Variants in NXN observed in about 807,000 individuals in gnomAD.
NXN encodes nucleoredoxin.
Under a neutral mutation model 48.6 loss-of-function variants are expected in NXN, and 16 were observed. The observed-to-expected ratio is 0.33, with a 90% CI of 0.22 to 0.50. NXN has a LOEUF of 0.50. Among genes scored for constraint, NXN ranks in the 20% least tolerant of loss-of-function variants. The pLI is 0.98. For missense variants in NXN, 492 were observed against 605.5 expected (o/e 0.81, Z 1.97); for synonymous variants, 281 against 269.6 (o/e 1.04, Z -0.41).
Position 837,787 on chromosome 17 carries a change from C to T in NXN, c.361-11709G>A, listed in dbSNP as rs562278998. Among the ~76,000 whole-genome samples, 3 of 152,332 alleles carry T rather than the reference C, an allele frequency of 2.0e-5. No individual in the cohort carries two copies. The East Asian group carries it at 5.8e-4, about 29-fold the overall frequency. Reference sequence around the variant, plus strand: ...AGCCCGTGTGACCAAGGGAAAGGGGCCGGGGGTCCGGGCCAGGCTGATCCG... The same window carrying T: ...AGCCCGTGTGACCAAGGGAAAGGGGTCGGGGGTCCGGGCCAGGCTGATCCG... On this transcript the variant is annotated intron_variant, in intron 1 of 7. Coordinates refer to ENST00000336868, the MANE Select transcript of NXN (RefSeq NM_022463.5).
At chr17:823,489 AC>A in intron 3 of NXN, 142 bp downstream of exon 3, 2 of 810,058 alleles carry the variant, frequency 2.5e-6, no homozygotes. Flanking sequence ...GCACTATTCA[AC>A]CAGGCCTCGG....
chr17:907,293 C>T (rs1288668161), intron 1 of NXN, among the ~76,000 whole-genome samples: 3 of 151,864 alleles, frequency 2.0e-5, no homozygotes, highest in Non-Finnish European at 2.9e-5. Context: ...TAGGTGATTG[C>T]TTCTTGCAAT....
intron 1 of NXN, among the ~76,000 whole-genome samples, chr17:860,292 T>A (rs939083829): frequency 3.9e-4 from 56 of 144,414 alleles, no homozygotes; most frequent in African/African-American, 1.4e-3. Flanking sequence ...CCCGGCTAAT[T>A]TTTGTATTTT....
chr17:968,931 G>A (rs888254860), intron 1 of NXN, among the ~76,000 whole-genome samples: 14 of 150,660 alleles, frequency 9.3e-5, no homozygotes, highest in African/African-American at 3.4e-4. Context: ...AGAGAGACAC[G>A]GTCTCAAAAA....
intron 1 of NXN, among the ~76,000 whole-genome samples, chr17:946,239 G>C (rs1173039084): frequency 2.0e-5 from 3 of 147,282 alleles, no homozygotes; most frequent in Non-Finnish European, 4.6e-5. Flanking sequence ...GGGGATCCCT[G>C]CTCACTGCAA....
At chr17:937,525 C>T (rs924974407) in intron 1 of NXN, among the ~76,000 whole-genome samples, 5 of 152,280 alleles carry the variant, frequency 3.3e-5, no homozygotes, top group South Asian at 4.1e-4. Context: ...CAAAACTCTC[C>T]GTCATCGAGA....
At chr17:889,564 T>C (rs2068386607) in intron 1 of NXN, among the ~76,000 whole-genome samples, 1 of 151,964 alleles carries the variant, frequency 6.6e-6, no homozygotes, top group African/African-American at 2.4e-5. Flanking sequence ...GGTGGTGGCG[T>C]GTGCCTGTAA....
intron 5 of NXN, among the ~76,000 whole-genome samples, chr17:816,078 T>C (rs1912455639): frequency 6.6e-6 from 1 of 152,164 alleles, no homozygotes; most frequent in African/African-American, 2.4e-5. Flanking sequence ...CGGCGCTCGG[T>C]AACGCTTGGG....
In NXN at chr17:803,321, C is replaced by T. The variant is rs565658955; in HGVS notation, c.1125+361G>A. ...TGAGATCGGCCCACTGCAGCCAGCG[C>T]GGAGGCACGAACCCAGCATTTTGTA... On this transcript the variant is annotated intron_variant, in intron 7 of 7. Coordinates refer to ENST00000336868, the MANE Select transcript of NXN (RefSeq NM_022463.5). Among the ~76,000 whole-genome samples, 20 of 152,268 alleles carry T rather than the reference C, an allele frequency of 1.3e-4. No homozygotes were observed. The East Asian group carries it at 1.9e-3, about 15-fold the overall frequency.
intron 1 of NXN, among the ~76,000 whole-genome samples, chr17:923,994 T>C (rs2068772771): frequency 6.6e-6 from 1 of 152,210 alleles, no homozygotes; most frequent in South Asian, 2.1e-4. Flanking sequence ...ACAAATAAAG[T>C]GCAAAATGTT....
chr17:908,617 C>T (rs1337642695), intron 1 of NXN, among the ~76,000 whole-genome samples: 2 of 152,166 alleles, frequency 1.3e-5, no homozygotes, highest in Admixed American at 1.3e-4. Flanking sequence ...TAGTCCACGG[C>T]AGTGGATCCC....
chr17:838,366 A>AGGTG (rs769453915), intron 1 of NXN, among the ~76,000 whole-genome samples: 1 of 152,026 alleles, frequency 6.6e-6, no homozygotes, highest in Non-Finnish European at 1.5e-5. Context: ...TCCTGACCTC[A>AGGTG]GGTGATCCGC....
chr17:800,895 G>A lies in NXN; in HGVS notation c.*54C>T, dbSNP rs774144491. Reference sequence around the variant, plus strand: ...TAAGTCCAAGGGCGGAAGGAAGGAGGGGGAGGAGGAGAAGGCTGAGTTTTA... The same window carrying A: ...TAAGTCCAAGGGCGGAAGGAAGGAGAGGGAGGAGGAGAAGGCTGAGTTTTA... On this transcript the variant is annotated 3_prime_UTR_variant, in exon 8 of 8. Transcript: ENST00000336868. The A allele has an allele frequency of 6.3e-6, 8 of 1,265,544 alleles. No individual in the cohort carries two copies. The highest frequency in any genetic ancestry group is 1.5e-5 in the African/African-American group (1 of 64,936). 78.4% of individuals were successfully genotyped at this position (1,265,544 alleles called of 1,614,324 possible). A position where few individuals can be genotyped will look rare whatever the true frequency, so the allele number is the denominator to read the frequency against.
intron 1 of NXN, among the ~76,000 whole-genome samples, chr17:953,314 C>A (rs2069133064): frequency 6.6e-6 from 1 of 152,100 alleles, no homozygotes; most frequent in African/African-American, 2.4e-5. Context: ...ACTTGGGAGG[C>A]TGAGGCAGGA....
intron 1 of NXN, among the ~76,000 whole-genome samples, chr17:936,070 C>T (rs1354160450): frequency 7.9e-6 from 1 of 125,856 alleles, no homozygotes; most frequent in Non-Finnish European, 1.6e-5. Context: ...CCAGCCTGGG[C>T]AACAGGGCAA....
chr17:847,747 G>GGA (rs144411584), intron 1 of NXN, among the ~76,000 whole-genome samples: 1 of 151,952 alleles, frequency 6.6e-6, no homozygotes. Context: ...GTAACAGCAG[G>GGA]GAGAGAGAGA....
chr17:936,091 CAAAA>C (rs71371597), intron 1 of NXN, among the ~76,000 whole-genome samples: 2 of 61,794 alleles, frequency 3.2e-5, no homozygotes, highest in East Asian at 6.3e-4. Flanking sequence ...GATTCCATCT[CAAAA>C]AAAAAAAAAA....
chr17:885,433 C>A (rs35248138), intron 1 of NXN, among the ~76,000 whole-genome samples: 59,604 of 150,632 alleles, frequency 0.4, 13,788 homozygotes, highest in East Asian at 0.61. Context: ...GCGGAGATCG[C>A]ACCACTACAC....
Position 829,315 on chromosome 17 carries a change from C to T in NXN, c.361-3237G>A, listed in dbSNP as rs546268101. ...GGATTACAGGCATGCACCACCTTGC[C>T]GGCTAATTTTTCTATTTTTAGTAGA... On this transcript the variant is annotated intron_variant, in intron 1 of 7. Transcript: ENST00000336868. 1.3e-3 allele frequency among the ~76,000 whole-genome samples: 199 copies of T among 151,778 alleles called. 1 individual carries two copies. Among genetic ancestry groups the T allele is most frequent in the African/African-American group, 4.5e-3 (186 of 41,370 alleles).
Sources: gnomAD v4.1 joint callset for allele counts (sites outside exome capture counted in the v4.1 genomes callset) on GRCh38, gnomAD v4.1.1 for gene constraint, MANE v1.5 for transcripts, NCBI Gene and HGNC (gene_info 2026-07-23, HGNC 2026-07-21) for gene names.